Variants in RPS6KA2 observed in about 807,000 individuals in gnomAD.
RPS6KA2 encodes the protein ribosomal protein S6 kinase A2.
Under a neutral mutation model 91.8 loss-of-function variants are expected in RPS6KA2, and 42 were observed. The observed-to-expected ratio is 0.46, with a 90% CI of 0.36 to 0.59. RPS6KA2 has a LOEUF of 0.59. Among genes scored for constraint, RPS6KA2 ranks in the 20% least tolerant of loss-of-function variants. RPS6KA2 has a pLI of 0.00. For missense variants in RPS6KA2, 798 were observed against 978.5 expected (o/e 0.82, Z 2.46); for synonymous variants, 414 against 393.6 (o/e 1.05, Z -0.61).
intron 10 of RPS6KA2, among the ~76,000 whole-genome samples, chr6:166,486,082 C>G (rs1303643373): frequency 3.9e-5 from 6 of 152,180 alleles, no homozygotes; most frequent in African/African-American, 1.4e-4. Context: ...GTGGCTGTGA[C>G]CCTGGCTAAC....
At chr6:166,647,941 TAC>T (rs202243900) in intron 2 of RPS6KA2, among the ~76,000 whole-genome samples, 1,369 of 99,890 alleles carry the variant, frequency 0.014, 28 homozygotes, top group African/African-American at 0.047. Flanking sequence ...CACATGCTCA[TAC>T]ACACACATGC....
chr6:166,789,806 T>C (rs917202044), intron 2 of RPS6KA2, among the ~76,000 whole-genome samples: 1 of 152,170 alleles, frequency 6.6e-6, no homozygotes, highest in East Asian at 1.9e-4. Context: ...GAGGGTCCTG[T>C]CTGTTAGAAG....
At chr6:166,764,064 T>C (rs148393477) in intron 2 of RPS6KA2, among the ~76,000 whole-genome samples, 10 of 152,300 alleles carry the variant, frequency 6.6e-5, no homozygotes, top group Middle Eastern at 6.8e-3. Flanking sequence ...GCGTGAGGAA[T>C]TGCCATGTGC....
intron 14 of RPS6KA2, among the ~76,000 whole-genome samples, chr6:166,444,947 A>G (rs1003987689): frequency 6.6e-6 from 1 of 152,222 alleles, no homozygotes; most frequent in Non-Finnish European, 1.5e-5. Flanking sequence ...AATAAATGCA[A>G]AGTGAACAAT....
intron 14 of RPS6KA2, among the ~76,000 whole-genome samples, chr6:166,442,346 CGA>C (rs1490188424): frequency 6.6e-6 from 1 of 152,162 alleles, no homozygotes; most frequent in Non-Finnish European, 1.5e-5. Flanking sequence ...GGACAGGGGT[CGA>C]GAGTGTGCAC....
At chr6:166,642,619 C>T (rs1210089994) in intron 2 of RPS6KA2, among the ~76,000 whole-genome samples, 2 of 152,116 alleles carry the variant, frequency 1.3e-5, no homozygotes, top group Admixed American at 1.3e-4. Flanking sequence ...GCTAAAGTTT[C>T]CAAAGCAATC....
intron 1 of RPS6KA2, among the ~76,000 whole-genome samples, chr6:166,587,921 C>T (rs1230701736): frequency 6.6e-6 from 1 of 152,188 alleles, no homozygotes; most frequent in Non-Finnish European, 1.5e-5. Context: ...GCCCTCCTCA[C>T]TCACTCAGGT....
chr6:166,461,144 C>T (rs139729769), intron 11 of RPS6KA2, among the ~76,000 whole-genome samples: 5 of 152,260 alleles, frequency 3.3e-5, no homozygotes, highest in East Asian at 1.9e-4. Flanking sequence ...AGGGCGTGCA[C>T]GCGGGAACCA....
At chr6:166,468,754 T>C (rs113518460) in intron 11 of RPS6KA2, among the ~76,000 whole-genome samples, 3,872 of 149,450 alleles carry the variant, frequency 0.026, 173 homozygotes, top group African/African-American at 0.088. Context: ...ATCCCAGCTA[T>C]TCGGGAGGCT....
At chr6:166,743,883 C>CT (rs1159309627) in intron 2 of RPS6KA2, among the ~76,000 whole-genome samples, 1 of 150,708 alleles carries the variant, frequency 6.6e-6, no homozygotes, top group Non-Finnish European at 1.5e-5. Flanking sequence ...AGGGCTTTGG[C>CT]GGTGGTCAGT....
intron 1 of RPS6KA2, among the ~76,000 whole-genome samples, chr6:166,579,278 T>C (rs3799607): frequency 0.28 from 43,138 of 152,098 alleles, 6,816 homozygotes; most frequent in East Asian, 0.51. Context: ...AATTTGAAGT[T>C]ATAATAAAAT....
intron 2 of RPS6KA2, among the ~76,000 whole-genome samples, chr6:166,776,771 C>T (rs1302733472): frequency 1.3e-5 from 2 of 152,204 alleles, no homozygotes; most frequent in Non-Finnish European, 2.9e-5. Context: ...CATAACATGC[C>T]ATTGTTTGTT....
At chr6:166,512,245 CTT>C (rs1782498058) in intron 3 of RPS6KA2, among the ~76,000 whole-genome samples, 1 of 152,158 alleles carries the variant, frequency 6.6e-6, no homozygotes, top group Non-Finnish European at 1.5e-5. Context: ...TAGGATCCCA[CTT>C]ATAAGAGTTG....
intron 2 of RPS6KA2, among the ~76,000 whole-genome samples, chr6:166,750,370 C>T (rs1032216379): frequency 2.0e-5 from 3 of 152,130 alleles, no homozygotes; most frequent in Non-Finnish European, 4.4e-5. Flanking sequence ...AGTCACCCCA[C>T]GCAGTGCACG....
chr6:166,842,368 G>A (rs1222560155), intron 2 of RPS6KA2, among the ~76,000 whole-genome samples: 2 of 152,134 alleles, frequency 1.3e-5, no homozygotes, highest in Admixed American at 1.3e-4. Flanking sequence ...AGATGGAGGT[G>A]GAGACTGGAG....
rs200881179 is a variant in RPS6KA2 at position 166,416,204 on chromosome 6, T to TC, written c.1938+2020_1938+2021insG. Among the ~76,000 whole-genome samples, 6 of 18,758 alleles carry TC rather than the reference T, an allele frequency of 3.2e-4. No individual in the cohort carries two copies. In the South Asian group the frequency reaches 5.3e-3, roughly 17 times the overall value. The allele number at this position is 18,758 out of a possible 152,430, so 12.3% of individuals were successfully genotyped here. On this transcript the variant is annotated intron_variant, in intron 19 of 20. Transcript: ENST00000265678. The stretch of plus-strand genomic sequence containing the variant: ...CTCGCCATCCTTTCTCCATCAACCC[T>TC]ACCATCACCCTCGCCATCATCTTCA...
intron 2 of RPS6KA2, among the ~76,000 whole-genome samples, chr6:166,653,296 T>G (rs938670272): frequency 6.6e-6 from 1 of 152,150 alleles, no homozygotes; most frequent in Admixed American, 6.5e-5. Flanking sequence ...TCTGGCCTCA[T>G]GTAATCCGCC....
chr6:166,430,343 A>G (rs1779078935), intron 16 of RPS6KA2, 110 bp downstream of exon 16: 1 of 976,100 alleles, frequency 1.0e-6, no homozygotes, highest in South Asian at 1.7e-5. Context: ...CACGGAAGGA[A>G]TTCCAGGACA....
intron 2 of RPS6KA2, among the ~76,000 whole-genome samples, chr6:166,755,625 C>T (rs755813789): frequency 2.6e-5 from 4 of 152,196 alleles, no homozygotes; most frequent in African/African-American, 7.2e-5. Flanking sequence ...ATGGCTGCTG[C>T]GCTCCGGCCC....
Sources: gnomAD v4.1 joint callset for allele counts (sites outside exome capture counted in the v4.1 genomes callset) on GRCh38, gnomAD v4.1.1 for gene constraint, MANE v1.5 for transcripts, NCBI Gene and HGNC (gene_info 2026-07-23, HGNC 2026-07-21) for gene names.